REST: variants seen among roughly 807,000 people sequenced by gnomAD.
REST encodes RE1 silencing transcription factor.
In REST, 1 loss-of-function variant was observed where a neutral mutation model predicts 30.4. The observed-to-expected ratio is 0.03, with a 90% CI of 0.01 to 0.16. The LOEUF is 0.16. REST is among the 10% of genes least tolerant of loss of function. The probability of loss-of-function intolerance (pLI) is 1.00; values close to 1 mark genes in which losing one functional copy is unlikely to be tolerated. For missense variants in REST, 1,259 were observed against 1,329.5 expected (o/e 0.95, Z 0.82); for synonymous variants, 504 against 451.1 (o/e 1.12, Z -1.49).
chr4:56,919,398 G>C (rs1014023855), intron 2 of REST, among the ~76,000 whole-genome samples: 4 of 151,934 alleles, frequency 2.6e-5, no homozygotes, highest in Non-Finnish European at 5.9e-5. Context: ...CTAAAAACCG[G>C]TGTTAATAGC....
chr4:56,931,534 C>A lies in REST; in HGVS notation c.2676C>A (p.Ala892=). The A allele has an allele frequency of 1.2e-6, 2 of 1,614,086 alleles. No individual in the cohort carries two copies. The highest frequency in any genetic ancestry group is 1.7e-6 in the Non-Finnish European group (2 of 1,180,028). Reference sequence around the variant, plus strand: ...ACACAGGTGAAGGAAATAAAGAAGCCCCTCTTCAGAAAGTAGGAGCAGAAG... The same window carrying A: ...ACACAGGTGAAGGAAATAAAGAAGCACCTCTTCAGAAAGTAGGAGCAGAAG... ...LLNTGEGNKE[A]PLQKVGAEEA... The change falls in exon 4 of 4, where the codon GCC becomes GCA. Residue 892 remains alanine, a synonymous_variant. Coordinates refer to ENST00000309042, the MANE Select transcript of REST (RefSeq NM_005612.5).
chr4:56,914,069 G>C (rs1720060293), intron 2 of REST, among the ~76,000 whole-genome samples: 1 of 151,954 alleles, frequency 6.6e-6, no homozygotes, highest in Non-Finnish European at 1.5e-5. Flanking sequence ...AGGTAGCTGG[G>C]ACCACAGACG....
In REST at chr4:56,930,800, C is replaced by T. The variant is rs569722591; in HGVS notation, c.1942C>T (p.Pro648Ser). 73 of 1,606,912 alleles carry T rather than the reference C, an allele frequency of 4.5e-5. No individual in the cohort carries two copies. Among genetic ancestry groups the T allele is most frequent in the Admixed American group, 1.5e-4 (9 of 58,954 alleles). ...QMEGAQIRPA[P>S]DEPVQMEVVQ... ...GGAGGGTGCCCAGATACGGCCTGCT[C>T]CTGACGAGCCTGTTCAGATGGAGGT... is the stretch of plus-strand genomic sequence containing the variant. Residue 648 changes from proline to serine, a missense_variant, in exon 4 of 4, where the codon CCT becomes TCT. Pro to Ser is a moderately conservative substitution (Grantham distance 74). Around this residue, in one of 5 missense-constraint regions of REST, gnomAD observed 856 missense variants for 772.8 expected, o/e 1.11. Transcript: ENST00000309042.
Position 56,931,279 on chromosome 4 carries a change from G to A in REST, c.2421G>A (p.Met807Ile). 5 of 1,614,252 alleles carry A rather than the reference G, an allele frequency of 3.1e-6. No homozygotes were observed. Among genetic ancestry groups the A allele is most frequent in the Non-Finnish European group, 4.2e-6 (5 of 1,180,050 alleles). Reference protein sequence around the residue: ...PPPPREPPLHMEPISKKPPLR... With the variant: ...PPPPREPPLHIEPISKKPPLR... Reference sequence around the variant, plus strand: ...CTCCCAGAGAGCCTCCCCTTCACATGGAGCCAATTTCCAAAAAGCCTCCTC... The same window carrying A: ...CTCCCAGAGAGCCTCCCCTTCACATAGAGCCAATTTCCAAAAAGCCTCCTC... Residue 807 changes from methionine to isoleucine, a missense_variant, in exon 4 of 4, where the codon ATG becomes ATA. Met to Ile is a conservative substitution (Grantham distance 10). Transcript: ENST00000309042.
chr4:56,919,311 TCTCA>T (rs1342891511), intron 2 of REST, among the ~76,000 whole-genome samples: 2 of 152,068 alleles, frequency 1.3e-5, no homozygotes, highest in African/African-American at 4.8e-5. Flanking sequence ...GCAATTACAT[TCTCA>T]CTCAGAAGTA....
intron 3 of REST, among the ~76,000 whole-genome samples, chr4:56,928,879 C>A (rs753140674): frequency 6.6e-6 from 1 of 151,512 alleles, no homozygotes. Flanking sequence ...TGTGAGCTAC[C>A]GCACCTGGCT....
chr4:56,931,001 C>G lies in REST; in HGVS notation c.2143C>G (p.Gln715Glu). ...GGAACCTGCTCAGATGGAGGTTGCC[C>G]AGGTAGAATCTGCTCCCATGCAGGT... is the stretch of plus-strand genomic sequence containing the variant. ...PMEPAQMEVA[Q>E]VESAPMQVVQ... The change falls in exon 4 of 4, where the codon CAG becomes GAG. Residue 715 changes from glutamine to glutamate, a missense_variant. By Grantham distance (29) the Gln-to-Glu change is conservative. This residue lies in a region of REST where 856 missense variants were observed against 772.8 expected (regional missense o/e 1.11). Coordinates refer to ENST00000309042, the MANE Select transcript of REST (RefSeq NM_005612.5). 6.2e-7 allele frequency: 1 copy of G among 1,614,238 alleles called. No homozygotes were observed. Among genetic ancestry groups the G allele is most frequent in the Middle Eastern group, 1.6e-4 (1 of 6,062 alleles).
chr4:56,914,536 A>G (rs770183393), intron 2 of REST, among the ~76,000 whole-genome samples: 1 of 152,268 alleles, frequency 6.6e-6, no homozygotes, highest in Admixed American at 6.5e-5. Flanking sequence ...AAAGTAGGAA[A>G]TGAAAGTTAC....
At chr4:56,924,311 G>C (rs1004867961) in intron 3 of REST, among the ~76,000 whole-genome samples, 3 of 152,162 alleles carry the variant, frequency 2.0e-5, no homozygotes, top group African/African-American at 7.2e-5. Context: ...ATTTAAAAAT[G>C]CACAGGTCTT....
intron 1 of REST, chr4:56,908,803 G>T (rs558075233): frequency 1.3e-5 from 2 of 151,858 alleles, no homozygotes; most frequent in African/African-American, 2.4e-5. Context: ...CCACCCGACC[G>T]CTGGAGCTGG....
rs1417233062 is a variant in REST, at chr4:56,907,986, G to A, written c.-237G>A. The A allele has an allele frequency of 1.4e-5, 5 of 368,828 alleles. No individual in the cohort carries two copies. Among genetic ancestry groups the A allele is most frequent in the Non-Finnish European group, 2.4e-5 (5 of 206,976 alleles). 22.8% of individuals were successfully genotyped at this position (368,828 alleles called of 1,614,324 possible). A position where few individuals can be genotyped will look rare whatever the true frequency, so the allele number is the denominator to read the frequency against. Reference sequence around the variant, plus strand: ...GGAGCGAGCGCCGCCGAGGCCCGGGGCCCCAGACCCTGGCGGCGGCTGCCG... The same window carrying A: ...GGAGCGAGCGCCGCCGAGGCCCGGGACCCCAGACCCTGGCGGCGGCTGCCG... On this transcript the variant is annotated 5_prime_UTR_variant, in exon 1 of 4. Transcript: ENST00000309042.
rs1327770292 is a variant in REST at position 56,932,394 on chromosome 4, A to G, written c.*242A>G. On this transcript the variant is annotated 3_prime_UTR_variant, in exon 4 of 4. Coordinates refer to ENST00000309042, the MANE Select transcript of REST (RefSeq NM_005612.5). Reference sequence around the variant, plus strand: ...TTAGCTTATGTGTTTAATTGAAATTAGAAGGCTAAGATGGTATAACAGCAT... The same window carrying G: ...TTAGCTTATGTGTTTAATTGAAATTGGAAGGCTAAGATGGTATAACAGCAT... 1 of 407,028 alleles carries G rather than the reference A, an allele frequency of 2.5e-6. No homozygotes were observed. The highest frequency in any genetic ancestry group is 4.4e-6 in the Non-Finnish European group (1 of 229,846). The allele number at this position is 407,028 out of a possible 1,614,324, so 25.2% of individuals were successfully genotyped here.
chr4:56,931,819 A>G lies in REST; in HGVS notation c.2961A>G (p.Lys987=), dbSNP rs112738103. ...TAGAAGAACGTGAAGCAGTGTCCAA[A>G]ACTGCACTGGCATCACCTCCTGCTA... is the stretch of plus-strand genomic sequence containing the variant. The part of the protein sequence containing the change: ...SAVEEREAVS[K]TALASPPATM... Residue 987 remains lysine, a synonymous_variant, in exon 4 of 4, where the codon AAA becomes AAG. Coordinates refer to ENST00000309042, the MANE Select transcript of REST (RefSeq NM_005612.5). The G allele has an allele frequency of 1.2e-6, 2 of 1,614,060 alleles. No individual in the cohort carries two copies. Among genetic ancestry groups the G allele is most frequent in the Non-Finnish European group, 1.7e-6 (2 of 1,180,032 alleles).
chr4:56,931,570 G>T lies in REST; in HGVS notation c.2712G>T (p.Glu904Asp). The stretch of plus-strand genomic sequence containing the variant: ...AAGTAGGAGCAGAAGAGGCAGATGA[G>T]AGCCTACCTGGTCTTGCTGCTAATA... ...LQKVGAEEAD[E>D]SLPGLAANIN... The change falls in exon 4 of 4, where the codon GAG becomes GAT. Residue 904 changes from glutamate to aspartate, a missense_variant. Coordinates refer to ENST00000309042, the MANE Select transcript of REST (RefSeq NM_005612.5). 2.5e-6 allele frequency: 4 copies of T among 1,614,236 alleles called. No homozygotes were observed. The highest frequency in any genetic ancestry group is 3.4e-6 in the Non-Finnish European group (4 of 1,180,044).
In REST at chr4:56,930,375, C is replaced by T. The variant is rs754749492; in HGVS notation, c.1517C>T (p.Thr506Ile). 6.2e-7 allele frequency: 1 copy of T among 1,613,614 alleles called. No homozygotes were observed. Residue 506 changes from threonine (T) to isoleucine (I), a missense_variant, in exon 4 of 4, where the codon ACA becomes ATA. Physicochemically the swap from Thr to Ile is moderately conservative, Grantham distance 89 (BLOSUM62 -1). This residue lies in a region of REST where 856 missense variants were observed against 772.8 expected (regional missense o/e 1.11). Coordinates refer to ENST00000309042, the MANE Select transcript of REST (RefSeq NM_005612.5). Reference sequence around the variant, plus strand: ...GAGGTGAAAGAGATGGATGTGCATACAGGAAGCAATTCAGAAAAATTCAGT... The same window carrying T: ...GAGGTGAAAGAGATGGATGTGCATATAGGAAGCAATTCAGAAAAATTCAGT... ...VTEVKEMDVH[T>I]GSNSEKFSKT... is the part of the protein sequence containing the mutation.
chr4:56,910,730 A>G lies in REST; in HGVS notation c.92A>G (p.Tyr31Cys), dbSNP rs967744114. Residue 31 changes from tyrosine (Y) to cysteine (C), a missense_variant, in exon 2 of 4, where the codon TAT becomes TGT. Transcript: ENST00000309042. ...GGAATGGCCCTGCCTAACGACATGT[A>G]TGACTTGCATGACCTTTCCAAAGCT... ...NIGMALPNDM[Y>C]DLHDLSKAEL... 1.2e-6 allele frequency: 2 copies of G among 1,614,218 alleles called. No homozygotes were observed. The highest frequency in any genetic ancestry group is 1.7e-6 in the Non-Finnish European group (2 of 1,180,046).
At chr4:56,908,697 G>A (rs976468867) in intron 1 of REST, among the ~76,000 whole-genome samples, 1 of 152,096 alleles carries the variant, frequency 6.6e-6, no homozygotes, top group South Asian at 2.1e-4. Flanking sequence ...GGCCGGGCGG[G>A]TTGAGTCAGC....
chr4:56,928,648 G>A (rs1030409280), intron 3 of REST, among the ~76,000 whole-genome samples: 2 of 151,572 alleles, frequency 1.3e-5, no homozygotes, highest in South Asian at 4.2e-4. Context: ...TGAAGTGGTG[G>A]GATCTCAGCT....
chr4:56,911,216 A>T lies in REST; in HGVS notation c.578A>T (p.Glu193Val). Reference protein sequence around the residue: ...AKKFFVEESAEKQAKARESGS... With the variant: ...AKKFFVEESAVKQAKARESGS... The stretch of plus-strand genomic sequence containing the variant: ...AAATTTTTTGTGGAAGAGAGTGCAG[A>T]GAAGCAGGCAAAAGCCAGGGAATCT... The change falls in exon 2 of 4, where the codon GAG becomes GTG. Residue 193 changes from glutamate (E) to valine (V), a missense_variant. Glu to Val is a moderately radical substitution (Grantham distance 121). Around this residue, in one of 5 missense-constraint regions of REST, gnomAD observed 249 missense variants for 251.5 expected, o/e 0.99. Transcript: ENST00000309042. The T allele has an allele frequency of 6.2e-7, 1 of 1,614,208 alleles. No homozygotes were observed. Among genetic ancestry groups the T allele is most frequent in the Non-Finnish European group, 8.5e-7 (1 of 1,180,038 alleles).
Sources: gnomAD v4.1 joint callset for allele counts (sites outside exome capture counted in the v4.1 genomes callset) on GRCh38, gnomAD v4.1.1 for gene constraint, gnomAD v4.1.1 regional missense constraint, MANE v1.5 for transcripts, NCBI Gene and HGNC (gene_info 2026-07-23, HGNC 2026-07-21) for gene names.